The following PTPRR variants were observed in gnomAD, a reference collection of about 807,000 sequenced individuals.
The protein encoded by PTPRR is protein tyrosine phosphatase receptor type R, also known as receptor-type tyrosine-protein phosphatase R.
PTPRR carries 38 observed loss-of-function variants against 77.2 expected under a neutral mutation model. The ratio of observed to expected loss-of-function variants is 0.49; its 90% CI spans 0.38 to 0.65. The LOEUF is 0.65. Ranked by LOEUF, PTPRR falls within the 30% of genes least tolerant of loss-of-function variation. The probability of loss-of-function intolerance (pLI) is 0.00; values close to 1 mark genes in which losing one functional copy is unlikely to be tolerated. For synonymous variants in PTPRR, 299 were observed against 283.1 expected (o/e 1.06, Z -0.57); for missense variants, 744 against 799.2 (o/e 0.93, Z 0.83).
intron 2 of PTPRR, among the ~76,000 whole-genome samples, chr12:70,861,983 A>G (rs1280127162): frequency 6.6e-6 from 1 of 152,150 alleles, no homozygotes; most frequent in African/African-American, 2.4e-5. Flanking sequence ...ACATCTGGTC[A>G]GAGAGTGAGG....
chr12:70,896,751 C>T (rs1297779082), intron 1 of PTPRR, among the ~76,000 whole-genome samples: 1 of 151,740 alleles, frequency 6.6e-6, no homozygotes, highest in African/African-American at 2.4e-5. Context: ...TTAGGTCTAA[C>T]ATGTAAGTCT....
chr12:70,817,563 C>A (rs1211242891), intron 2 of PTPRR, among the ~76,000 whole-genome samples: 1 of 152,094 alleles, frequency 6.6e-6, no homozygotes, highest in African/African-American at 2.4e-5. Context: ...ATGATCTGCT[C>A]AAGAGCTAAC....
chr12:70,680,729 C>A (rs1887624473), intron 10 of PTPRR, among the ~76,000 whole-genome samples: 1 of 152,100 alleles, frequency 6.6e-6, no homozygotes, highest in African/African-American at 2.4e-5. Context: ...AAGCATGGGG[C>A]TTGGCTTGCC....
At chr12:70,770,490 C>G (rs940288712) in intron 2 of PTPRR, among the ~76,000 whole-genome samples, 6 of 152,060 alleles carry the variant, frequency 3.9e-5, no homozygotes, top group African/African-American at 1.4e-4. Flanking sequence ...GAATGGCAAT[C>G]ATTAAAAAGT....
intron 1 of PTPRR, among the ~76,000 whole-genome samples, chr12:70,914,573 T>C (rs555769662): frequency 1.6e-4 from 24 of 152,312 alleles, no homozygotes; most frequent in Middle Eastern, 3.4e-3. Context: ...ACCTGGGTCA[T>C]TGTGAAGAAT....
chr12:70,867,449 G>A (rs917229220), intron 2 of PTPRR, among the ~76,000 whole-genome samples: 25 of 151,962 alleles, frequency 1.6e-4, no homozygotes, highest in African/African-American at 6.0e-4. Context: ...GCTTCAAAGA[G>A]AATAAAATAC....
intron 2 of PTPRR, among the ~76,000 whole-genome samples, chr12:70,882,982 G>A (rs1332132310): frequency 6.6e-6 from 1 of 152,122 alleles, no homozygotes; most frequent in African/African-American, 2.4e-5. Flanking sequence ...CCATTTAAAA[G>A]ATAATGAAGG....
chr12:70,807,104 T>G (rs894411437), intron 2 of PTPRR, among the ~76,000 whole-genome samples: 2 of 152,200 alleles, frequency 1.3e-5, no homozygotes, highest in Non-Finnish European at 1.5e-5. Flanking sequence ...CTCTTTCCCC[T>G]TCCTTCCTTA....
chr12:70,900,723 G>C lies in PTPRR; in HGVS notation c.59-7746C>G, dbSNP rs552087452. On this transcript the variant is annotated intron_variant, in intron 1 of 13. Transcript: ENST00000283228. The stretch of plus-strand genomic sequence containing the variant: ...AAAAGATGGGCAAAAGATTTGAACA[G>C]ATATTTCTGAAAAGACGACTTACAA... Among the ~76,000 whole-genome samples, 5 of 151,676 alleles carry C rather than the reference G, an allele frequency of 3.3e-5. No individual in the cohort carries two copies. The South Asian group carries it at 1.0e-3, about 31-fold the overall frequency.
chr12:70,642,947 G>A (rs1886061182), intron 13 of PTPRR, among the ~76,000 whole-genome samples: 1 of 152,138 alleles, frequency 6.6e-6, no homozygotes, highest in African/African-American at 2.4e-5. Flanking sequence ...AAAGTGGGAG[G>A]ATCACTTGAG....
intron 13 of PTPRR, among the ~76,000 whole-genome samples, chr12:70,643,922 T>TA (rs113795151): frequency 5.6e-4 from 85 of 152,208 alleles, no homozygotes; most frequent in African/African-American, 2.0e-3. Context: ...GCATGCACCT[T>TA]AAATTGCAAA....
At chr12:70,837,878 AC>A (rs896617696) in intron 2 of PTPRR, among the ~76,000 whole-genome samples, 37 of 152,064 alleles carry the variant, frequency 2.4e-4, no homozygotes, top group African/African-American at 8.7e-4. Context: ...ATCCTGAGCT[AC>A]CAGTAGGTTG....
intron 3 of PTPRR, among the ~76,000 whole-genome samples, chr12:70,763,323 G>T (rs975675241): frequency 3.9e-4 from 60 of 151,922 alleles, no homozygotes; most frequent in Non-Finnish European, 5.9e-4. Context: ...AGTAGAGATG[G>T]GGTTTTACCA....
Position 70,821,582 on chromosome 12 carries a change from A to G in PTPRR, c.358-56804T>C, listed in dbSNP as rs536301833. On this transcript the variant is annotated intron_variant, in intron 2 of 13. Transcript: ENST00000283228. ...AGGAATAAGTTTGGCGTGCTTAAGA[A>G]CTAGCAGAAAGGCTAGTGCAGCTGG... Among the ~76,000 whole-genome samples the G allele has an allele frequency of 1.0e-3, 157 of 151,938 alleles. 2 individuals carry two copies. The highest frequency in any genetic ancestry group is 3.3e-3 in the African/African-American group (136 of 41,482).
chr12:70,890,135 C>T (rs1432627378), intron 2 of PTPRR, among the ~76,000 whole-genome samples: 2 of 152,160 alleles, frequency 1.3e-5, no homozygotes, highest in African/African-American at 4.8e-5. Flanking sequence ...ATACTTTCAT[C>T]TAAAGCGGTA....
chr12:70,672,331 C>G, intron 10 of PTPRR: 1 of 1,542,750 alleles, frequency 6.5e-7, no homozygotes, highest in East Asian at 2.3e-5. Context: ...AGTTTGCCAA[C>G]TCCATTGTGG....
chr12:70,887,295 C>CA lies in PTPRR; in HGVS notation c.357+5383dup, dbSNP rs550774862. Among the ~76,000 whole-genome samples, 457 of 152,010 alleles carry CA rather than the reference C, an allele frequency of 3.0e-3. 4 individuals carry two copies. Among genetic ancestry groups the CA allele is most frequent in the African/African-American group, 0.011 (440 of 41,460 alleles). On this transcript the variant is annotated intron_variant, in intron 2 of 13. Coordinates refer to ENST00000283228, the MANE Select transcript of PTPRR (RefSeq NM_002849.4). ...TGAAACCCCGCCTCTACTAAAAATA[C>CA]AAAAAATTTAGCTGGGCGTGGTGGT...
At chr12:70,918,381 T>C (rs1446084198) in intron 1 of PTPRR, among the ~76,000 whole-genome samples, 1 of 152,240 alleles carries the variant, frequency 6.6e-6, no homozygotes, top group Non-Finnish European at 1.5e-5. Context: ...TATAAAAATG[T>C]CCTTAAATGC....
chr12:70,754,542 C>T (rs1890509512), intron 4 of PTPRR: 11 of 1,592,822 alleles, frequency 6.9e-6, no homozygotes, highest in Non-Finnish European at 9.3e-6. Context: ...TCTGCAGGTC[C>T]CAGGCTTTCT....
Sources: gnomAD v4.1 joint callset for allele counts (sites outside exome capture counted in the v4.1 genomes callset) on GRCh38, gnomAD v4.1.1 for gene constraint, MANE v1.5 for transcripts, NCBI Gene and HGNC (gene_info 2026-07-23, HGNC 2026-07-21) for gene names.